The following ASH1L variants were observed in gnomAD, a reference collection of about 807,000 sequenced individuals.
ASH1L encodes ASH1 like histone lysine methyltransferase.
A neutral mutation model predicts 269.0 loss-of-function variants in ASH1L; 23 were observed. The ratio of observed to expected loss-of-function variants is 0.09; its 90% CI spans 0.06 to 0.12. ASH1L has a LOEUF of 0.12. ASH1L is among the 10% of genes least tolerant of loss of function. The pLI is 1.00. For synonymous variants in ASH1L, 1,187 were observed against 1,253.5 expected, an observed-to-expected ratio of 0.95 and a Z score of 1.12; for missense variants, 2,912 against 3,567.8, an observed-to-expected ratio of 0.82 and a Z score of 4.68.
rs1423941293 is a variant in ASH1L, at chr1:155,480,605, A to T, written c.2265T>A (p.Ser755=). The change falls in exon 3 of 28, where the codon TCT becomes TCA. Residue 755 remains serine, a synonymous_variant. Transcript: ENST00000392403. ...VSCSSLSNSN[S]EPAKFMKNIG... Reference sequence around the variant, plus strand: ...TGTTTTTCATAAACTTGGCTGGCTCAGAATTACTATTTGATAGTGAGCTAC... The same window carrying T: ...TGTTTTTCATAAACTTGGCTGGCTCTGAATTACTATTTGATAGTGAGCTAC... 1.9e-6 allele frequency: 3 copies of T among 1,614,182 alleles called. No homozygotes were observed. The highest frequency in any genetic ancestry group is 2.5e-6 in the Non-Finnish European group (3 of 1,179,992).
intron 1 of ASH1L, among the ~76,000 whole-genome samples, chr1:155,557,363 C>T (rs1209718056): frequency 6.6e-6 from 1 of 151,982 alleles, no homozygotes; most frequent in Non-Finnish European, 1.5e-5. Context: ...CCCAGGTTCA[C>T]ACCATTCTCC....
At chr1:155,533,321 ATTCCC>A (rs1669817279) in intron 1 of ASH1L, among the ~76,000 whole-genome samples, 1 of 152,058 alleles carries the variant, frequency 6.6e-6, no homozygotes, top group Non-Finnish European at 1.5e-5. Context: ...TACTATTATT[ATTCCC>A]TTTTTAGACA....
At chr1:155,342,831 T>C (rs1207726856) in intron 24 of ASH1L, among the ~76,000 whole-genome samples, 2 of 152,228 alleles carry the variant, frequency 1.3e-5, no homozygotes, top group Admixed American at 6.5e-5. Context: ...ATTAACTAAA[T>C]TTAATAAAAA....
At chr1:155,413,598 A>G (rs1000650558) in intron 6 of ASH1L, among the ~76,000 whole-genome samples, 2 of 152,104 alleles carry the variant, frequency 1.3e-5, no homozygotes, top group Non-Finnish European at 2.9e-5. Context: ...CAAGAGTGAA[A>G]CTCCATCGCA....
chr1:155,419,861 G>A (rs1422244711), intron 5 of ASH1L, among the ~76,000 whole-genome samples: 1 of 152,148 alleles, frequency 6.6e-6, no homozygotes, highest in Non-Finnish European at 1.5e-5. Flanking sequence ...CTCACACATT[G>A]TGTGATTGTC....
intron 4 of ASH1L, among the ~76,000 whole-genome samples, chr1:155,459,087 T>G (rs1414602477): frequency 2.0e-5 from 3 of 152,054 alleles, no homozygotes; most frequent in Non-Finnish European, 4.4e-5. Context: ...CATTAGCAAT[T>G]AAGAAGTTTA....
At chr1:155,440,498 CT>C (rs751657420) in intron 4 of ASH1L, 186 of 891,818 alleles carry the variant, frequency 2.1e-4, no homozygotes, top group Non-Finnish European at 2.3e-4. Flanking sequence ...ACCTTTTATA[CT>C]TACTTTCCCA....
At chr1:155,340,017 G>C (rs1652640396) in intron 25 of ASH1L, among the ~76,000 whole-genome samples, 1 of 152,018 alleles carries the variant, frequency 6.6e-6, no homozygotes, top group Non-Finnish European at 1.5e-5. Flanking sequence ...GTTAAGGCTG[G>C]GGTTTCAAAG....
intron 4 of ASH1L, among the ~76,000 whole-genome samples, chr1:155,452,582 G>T (rs1367534416): frequency 1.3e-5 from 2 of 149,386 alleles, no homozygotes; most frequent in South Asian, 2.1e-4. Flanking sequence ...TTTGAGACAG[G>T]GTCTTGCTCT....
At chr1:155,549,781 C>A (rs1671072098) in intron 1 of ASH1L, among the ~76,000 whole-genome samples, 1 of 152,060 alleles carries the variant, frequency 6.6e-6, no homozygotes, top group Non-Finnish European at 1.5e-5. Context: ...ACTGTATATC[C>A]AAACCAAATC....
chr1:155,373,333 G>C (rs530560551), intron 10 of ASH1L, among the ~76,000 whole-genome samples: 2 of 152,092 alleles, frequency 1.3e-5, no homozygotes, highest in African/African-American at 4.8e-5. Flanking sequence ...TGTCACCCAG[G>C]TTGAAGTACA....
At chr1:155,375,827 G>A (rs1656389860) in intron 10 of ASH1L, among the ~76,000 whole-genome samples, 1 of 150,540 alleles carries the variant, frequency 6.6e-6, no homozygotes, top group Non-Finnish European at 1.5e-5. Flanking sequence ...TGAGACAGTC[G>A]CACCCCAGCC....
intron 2 of ASH1L, among the ~76,000 whole-genome samples, chr1:155,485,429 C>T (rs1341498057): frequency 1.3e-5 from 2 of 152,122 alleles, no homozygotes; most frequent in African/African-American, 2.4e-5. Context: ...AGCCATCCTC[C>T]CCCCGCTCAG....
intron 1 of ASH1L, 92 bp from the exon 2 acceptor site, chr1:155,521,710 C>A (rs547567890): frequency 3.6e-4 from 165 of 461,762 alleles, no homozygotes; most frequent in African/African-American, 3.0e-3. Context: ...AGGAGGTCAA[C>A]AACTACCCAA....
At chr1:155,449,811 G>A (rs911675570) in intron 4 of ASH1L, among the ~76,000 whole-genome samples, 6 of 151,416 alleles carry the variant, frequency 4.0e-5, no homozygotes, top group South Asian at 2.1e-4. Flanking sequence ...GAGCCACTGC[G>A]CCCAGCCGAG....
chr1:155,496,057 T>C (rs528632914), intron 2 of ASH1L, among the ~76,000 whole-genome samples: 59 of 152,348 alleles, frequency 3.9e-4, no homozygotes, highest in Non-Finnish European at 6.9e-4. Flanking sequence ...TTTTTTACTT[T>C]ATTACCTTTT....
chr1:155,425,442 A>ATT (rs796221994), intron 5 of ASH1L, among the ~76,000 whole-genome samples: 8 of 103,196 alleles, frequency 7.8e-5, no homozygotes, highest in African/African-American at 2.4e-4. Context: ...ATGCAGGGCT[A>ATT]TTTTTTTTTT....
chr1:155,341,894 G>T, intron 25 of ASH1L, 42 bp downstream of exon 25: 1 of 1,587,982 alleles, frequency 6.3e-7, no homozygotes. Flanking sequence ...GCATGAACCA[G>T]ATTGTCCTAA....
chr1:155,359,494 C>T (rs115750961), intron 13 of ASH1L, among the ~76,000 whole-genome samples: 1 of 152,128 alleles, frequency 6.6e-6, no homozygotes, highest in Non-Finnish European at 1.5e-5. Flanking sequence ...TCAGGCTAAT[C>T]TCGAACTCCC....
Sources: allele counts gnomAD v4.1 joint callset (sites outside exome capture counted in the v4.1 genomes callset), GRCh38; gene constraint gnomAD v4.1.1; transcripts MANE v1.5; gene names NCBI Gene and HGNC (gene_info 2026-07-23, HGNC 2026-07-21).